The following FHL5 variants were observed in gnomAD, a reference collection of about 807,000 sequenced individuals.
FHL5 encodes the protein four and a half LIM domains 5.
FHL5 carries 33 observed loss-of-function variants against 32.0 expected under a neutral mutation model. The ratio of observed to expected loss-of-function variants is 1.03; its 90% CI spans 0.78 to 1.38. The LOEUF is 1.38. Among genes scored for constraint, FHL5 ranks in the 40% most tolerant of loss-of-function variants. FHL5 has a pLI of 0.00. For missense variants in FHL5, 336 were observed against 343.9 expected (o/e 0.98, Z 0.18); for synonymous variants, 114 against 113.6 (o/e 1.00, Z -0.02).
chr6:96,588,857 G>A (rs1406381497), intron 1 of FHL5, among the ~76,000 whole-genome samples: 1 of 150,048 alleles, frequency 6.7e-6, no homozygotes, highest in Non-Finnish European at 1.5e-5. Context: ...TCTTTAAATA[G>A]TGTCTCTTAA....
rs770499128 is a variant in FHL5 at position 96,566,452 on chromosome 6, G to A, written c.-13+3097G>A. ...TTGGCTATGTGTTGTGAGTAGTGCT[G>A]CAATAAACATGGGAATACAGATATC... On this transcript the variant is annotated intron_variant, in intron 1 of 5. Transcript: ENST00000450218. 2.0e-4 allele frequency among the ~76,000 whole-genome samples: 30 copies of A among 151,906 alleles called. 1 individual carries two copies. The highest frequency in any genetic ancestry group is 1.7e-3 in the Admixed American group (26 of 15,250).
chr6:96,589,117 T>C (rs1770863404), intron 1 of FHL5, among the ~76,000 whole-genome samples: 1 of 152,120 alleles, frequency 6.6e-6, no homozygotes, highest in Non-Finnish European at 1.5e-5. Flanking sequence ...TATTTCCCCC[T>C]CTAAACTACC....
chr6:96,588,959 A>G (rs1331185457), intron 1 of FHL5, among the ~76,000 whole-genome samples: 2 of 152,082 alleles, frequency 1.3e-5, no homozygotes, highest in African/African-American at 4.8e-5. Context: ...ACATATGATC[A>G]TAAGATCATA....
intron 1 of FHL5, among the ~76,000 whole-genome samples, chr6:96,601,917 A>T (rs1297809835): frequency 6.6e-6 from 1 of 152,188 alleles, no homozygotes; most frequent in African/African-American, 2.4e-5. Flanking sequence ...TGTGGAATTA[A>T]TCAAATGGAG....
chr6:96,581,819 T>C (rs376535061), intron 1 of FHL5, among the ~76,000 whole-genome samples: 1 of 152,150 alleles, frequency 6.6e-6, no homozygotes, highest in Non-Finnish European at 1.5e-5. Context: ...CTTAAAAAAA[T>C]GTTATAGAAT....
intron 1 of FHL5, among the ~76,000 whole-genome samples, chr6:96,599,169 A>ACTATTACC (rs1312898226): frequency 2.0e-5 from 3 of 151,942 alleles, no homozygotes; most frequent in Non-Finnish European, 2.9e-5. Flanking sequence ...AGCTACAGAA[A>ACTATTACC]CTATTACCAG....
chr6:96,604,990 A>G (rs1771242362), intron 3 of FHL5, 66 bp downstream of exon 3: 4 of 1,293,538 alleles, frequency 3.1e-6, no homozygotes, highest in Non-Finnish European at 3.2e-6. Context: ...GTCCCAGCAC[A>G]TGAGGAGTGC....
intron 5 of FHL5, among the ~76,000 whole-genome samples, chr6:96,613,222 ATTTT>A (rs201962765): frequency 7.8e-6 from 1 of 128,130 alleles, no homozygotes; most frequent in Non-Finnish European, 1.7e-5. Context: ...TATATGTACA[ATTTT>A]TATTTGTCAA....
rs191266699 is a variant in FHL5, at chr6:96,575,565, C to T, written c.-13+12210C>T. Among the ~76,000 whole-genome samples, 4 of 152,238 alleles carry T rather than the reference C, an allele frequency of 2.6e-5. No individual in the cohort carries two copies. The East Asian group carries it at 7.7e-4, about 29-fold the overall frequency. On this transcript the variant is annotated intron_variant, in intron 1 of 5. Coordinates refer to ENST00000450218, the MANE Select transcript of FHL5 (RefSeq NM_001322466.2). ...ACACAGGCCCATGCTTTGGCAACTT[C>T]CAATGGAGTAAGGGAAACAATGTGG...
At chr6:96,576,186 A>T (rs1770580839) in intron 1 of FHL5, among the ~76,000 whole-genome samples, 1 of 152,210 alleles carries the variant, frequency 6.6e-6, no homozygotes, top group Non-Finnish European at 1.5e-5. Context: ...AAACTTCCTA[A>T]AATACCCAGA....
At position 96,606,079 on chromosome 6, in the gene FHL5, T is replaced by G; in HGVS notation, c.504+8T>G. 1 of 1,612,286 alleles carries G rather than the reference T, an allele frequency of 6.2e-7. No homozygotes were observed. Among genetic ancestry groups the G allele is most frequent in the Non-Finnish European group, 8.5e-7 (1 of 1,178,518 alleles). ...TGCAACTTTTGTAAGAAGGTAATTT[T>G]CTAAAGAGGGTGAAGCTTGTGGAAA... is the stretch of plus-strand genomic sequence containing the variant. On this transcript the variant is annotated splice_region_variant and intron_variant, in intron 4 of 5. Coordinates refer to ENST00000450218, the MANE Select transcript of FHL5 (RefSeq NM_001322466.2).
intron 1 of FHL5, among the ~76,000 whole-genome samples, chr6:96,570,662 AGG>A (rs1770457243): frequency 6.6e-6 from 1 of 152,292 alleles, no homozygotes; most frequent in African/African-American, 2.4e-5. Context: ...TAAGTCTTAT[AGG>A]AATTCTTCAC....
intron 1 of FHL5, among the ~76,000 whole-genome samples, chr6:96,596,783 G>A (rs1336880723): frequency 6.6e-6 from 1 of 151,960 alleles, no homozygotes; most frequent in African/African-American, 2.4e-5. Flanking sequence ...CATACAGCTT[G>A]ATGGCTATCT....
intron 5 of FHL5, among the ~76,000 whole-genome samples, chr6:96,615,107 AG>A (rs1771489314): frequency 1.3e-5 from 2 of 152,190 alleles, no homozygotes; most frequent in African/African-American, 4.8e-5. Flanking sequence ...CAGAAAAATG[AG>A]GGGAAAGAAG....
intron 1 of FHL5, among the ~76,000 whole-genome samples, chr6:96,591,047 C>T (rs1770905016): frequency 6.6e-6 from 1 of 151,986 alleles, no homozygotes; most frequent in Admixed American, 6.6e-5. Flanking sequence ...GTTTTCCTTT[C>T]TCATAATGAT....
At chr6:96,594,206 G>T (rs1770980226) in intron 1 of FHL5, among the ~76,000 whole-genome samples, 1 of 118,064 alleles carries the variant, frequency 8.5e-6, no homozygotes, top group Non-Finnish European at 1.7e-5. Context: ...AACTGGAAAA[G>T]GATCCAATAA....
intron 4 of FHL5, 23 bp from the exon 5 acceptor site, chr6:96,610,549 G>A (rs761276324): frequency 2.5e-6 from 4 of 1,590,578 alleles, no homozygotes. Context: ...CATGGTCATT[G>A]CCTTTTCTGT....
intron 1 of FHL5, among the ~76,000 whole-genome samples, chr6:96,586,207 A>G (rs1186967504): frequency 1.3e-5 from 2 of 152,192 alleles, no homozygotes; most frequent in African/African-American, 4.8e-5. Context: ...AAATAATCCA[A>G]ATGGATGTAG....
chr6:96,577,351 C>A (rs1770604274), intron 1 of FHL5, among the ~76,000 whole-genome samples: 1 of 151,880 alleles, frequency 6.6e-6, no homozygotes, highest in Admixed American at 6.6e-5. Context: ...CTCCACCATT[C>A]AACCCCAACT....
Sources: gnomAD v4.1 joint callset for allele counts (sites outside exome capture counted in the v4.1 genomes callset) on GRCh38, gnomAD v4.1.1 for gene constraint, MANE v1.5 for transcripts, NCBI Gene and HGNC (gene_info 2026-07-23, HGNC 2026-07-21) for gene names.